RFX7: variants seen among roughly 807,000 people sequenced by gnomAD.
The protein encoded by RFX7 is regulatory factor X7.
RFX7 carries 26 observed loss-of-function variants against 111.8 expected under a neutral mutation model. That is an observed-to-expected ratio of 0.23 (90% CI 0.17 to 0.32). The LOEUF is 0.32. RFX7 is among the 10% of genes least tolerant of loss of function. The probability of loss-of-function intolerance (pLI) is 1.00; values close to 1 mark genes in which losing one functional copy is unlikely to be tolerated. For missense variants in RFX7, 1,573 were observed against 1,772.9 expected (o/e 0.89, Z 2.02); for synonymous variants, 624 against 624.4 (o/e 1.00, Z 0.01).
At chr15:56,187,536 G>C (rs2043054564) in intron 2 of RFX7, among the ~76,000 whole-genome samples, 1 of 149,174 alleles carries the variant, frequency 6.7e-6, no homozygotes, top group African/African-American at 2.4e-5. Flanking sequence ...ATGTGGCAAT[G>C]GTCACTTAGA....
At position 56,102,173 on chromosome 15, in the gene RFX7, T is replaced by G. The variant is rs531331249; in HGVS notation, c.599A>C (p.Asp200Ala). Residue 200 changes from aspartate (D) to alanine (A), a missense_variant, in exon 7 of 10, where the codon GAT becomes GCT. Asp to Ala is a moderately radical substitution (Grantham distance 126). Transcript: ENST00000559447. ...AAGAAAAGGCTGAATTCTTACCCCATCTCCAGTTTTGTGAAAGTCAAGGTT... is the reference window on the plus strand; with the variant it reads ...AAGAAAAGGCTGAATTCTTACCCCAGCTCCAGTTTTGTGAAAGTCAAGGTT... The part of the protein sequence containing the change: ...LPNLDFHKTG[D>A]GLEGAEPSGQ... 2 of 1,608,182 alleles carry G rather than the reference T, an allele frequency of 1.2e-6. No individual in the cohort carries two copies. Among genetic ancestry groups the G allele is most frequent in the African/African-American group, 2.7e-5 (2 of 74,834 alleles).
chr15:56,205,943 A>G (rs2043246596), intron 2 of RFX7, among the ~76,000 whole-genome samples: 1 of 152,232 alleles, frequency 6.6e-6, no homozygotes, highest in Non-Finnish European at 1.5e-5. Flanking sequence ...AAAATTAACA[A>G]GTGTTAGTAA....
chr15:56,149,828 C>T (rs138469748), intron 3 of RFX7, among the ~76,000 whole-genome samples: 3 of 151,892 alleles, frequency 2.0e-5, no homozygotes, highest in Admixed American at 1.3e-4. Context: ...TTTGCCATAC[C>T]CCAGTGGCAT....
chr15:56,231,564 G>C (rs2043558146), intron 2 of RFX7, among the ~76,000 whole-genome samples: 1 of 152,110 alleles, frequency 6.6e-6, no homozygotes, highest in Non-Finnish European at 1.5e-5. Context: ...CAACACATGG[G>C]AATTATGGAA....
intron 5 of RFX7, among the ~76,000 whole-genome samples, chr15:56,140,467 G>T (rs1764268428): frequency 6.6e-6 from 1 of 152,184 alleles, no homozygotes; most frequent in South Asian, 2.1e-4. Context: ...GCCTCGCCCT[G>T]CTTCGGCTGG....
intron 2 of RFX7, among the ~76,000 whole-genome samples, chr15:56,235,722 G>T (rs1354410241): frequency 6.6e-6 from 1 of 152,136 alleles, no homozygotes; most frequent in African/African-American, 2.4e-5. Context: ...TTATTCCCAT[G>T]CCCTTGCTAG....
chr15:56,153,473 T>G (rs972035944), intron 3 of RFX7, among the ~76,000 whole-genome samples: 1 of 151,966 alleles, frequency 6.6e-6, no homozygotes, highest in East Asian at 1.9e-4. Context: ...ACGTAATCCA[T>G]CCACATAAAT....
In RFX7 at chr15:56,218,027, T is replaced by C. The variant is rs150454892; in HGVS notation, c.161+25098A>G. Among the ~76,000 whole-genome samples, 17 of 151,934 alleles carry C rather than the reference T, an allele frequency of 1.1e-4. No homozygotes were observed. In the South Asian group the frequency reaches 1.7e-3, roughly 15 times the overall value. ...GGGAAAAAAAAGAGATGGTTGTGCC[T>C]GTACTGAACACACCCAAACTTTTTT... On this transcript the variant is annotated intron_variant, in intron 2 of 9. Transcript: ENST00000559447.
At chr15:56,232,640 C>T (rs564608482) in intron 2 of RFX7, among the ~76,000 whole-genome samples, 2 of 152,266 alleles carry the variant, frequency 1.3e-5, no homozygotes, top group African/African-American at 4.8e-5. Flanking sequence ...AACTTTTATG[C>T]TCTGTTTCCT....
At chr15:56,141,282 G>A (rs144861372) in intron 5 of RFX7, among the ~76,000 whole-genome samples, 2,094 of 151,880 alleles carry the variant, frequency 0.014, 23 homozygotes, top group Middle Eastern at 0.034. Flanking sequence ...CTGGGGGTGG[G>A]GGTGGGAGTG....
At chr15:56,116,714 G>GA (rs1369652924) in intron 5 of RFX7, among the ~76,000 whole-genome samples, 3 of 152,008 alleles carry the variant, frequency 2.0e-5, no homozygotes, top group Non-Finnish European at 4.4e-5. Context: ...AACTACAATG[G>GA]AAAAAAGGAT....
At position 56,093,734 on chromosome 15, in the gene RFX7, C is replaced by T; in HGVS notation, c.3994G>A (p.Asp1332Asn). The change falls in exon 10 of 10, where the codon GAT (aspartate) becomes AAT (asparagine). Residue 1332 changes from aspartate to asparagine, a missense_variant. By Grantham distance (23) the Asp-to-Asn change is conservative. Around this residue, in one of 7 missense-constraint regions of RFX7, gnomAD observed 411 missense variants for 478.1 expected, o/e 0.86. Coordinates refer to ENST00000559447, the MANE Select transcript of RFX7 (RefSeq NM_022841.7). ...STGQINFSPGDNQAQSEIGEQ... is the reference protein window; with the variant it reads ...STGQINFSPGNNQAQSEIGEQ... ...CCAATTTCTGATTGTGCTTGATTAT[C>T]TCCAGGAGAAAAATTGATCTGACCG... 1 of 1,613,774 alleles carries T rather than the reference C, an allele frequency of 6.2e-7. No individual in the cohort carries two copies. Among genetic ancestry groups the T allele is most frequent in the Non-Finnish European group, 8.5e-7 (1 of 1,179,744 alleles).
chr15:56,195,376 T>C (rs368701394), intron 2 of RFX7, among the ~76,000 whole-genome samples: 19 of 152,252 alleles, frequency 1.2e-4, no homozygotes, highest in African/African-American at 4.1e-4. Flanking sequence ...ATCATACACT[T>C]TATGTGGTTA....
rs1455033489 is a variant in RFX7 at position 56,109,287 on chromosome 15, A to T, written c.402-5617T>A. Among the ~76,000 whole-genome samples, 300 of 152,344 alleles carry T rather than the reference A, an allele frequency of 2.0e-3. 2 individuals are homozygous for T. Among genetic ancestry groups the T allele is most frequent in the African/African-American group, 6.1e-3 (254 of 41,572 alleles). ...GGTCTCCAGCTCCTAACCGCGAGTG[A>T]TCCGCCAGCCTCGGCCTCCCGAGGT... is the stretch of plus-strand genomic sequence containing the variant. On this transcript the variant is annotated intron_variant, in intron 5 of 9. Transcript: ENST00000559447.
In RFX7 at chr15:56,093,177, A is replaced by T; in HGVS notation, c.*168T>A. On this transcript the variant is annotated 3_prime_UTR_variant, in exon 10 of 10. Coordinates refer to ENST00000559447, the MANE Select transcript of RFX7 (RefSeq NM_022841.7). Reference sequence around the variant, plus strand: ...AGCCTACTGTCTTTAGACACTTGTTAAGAACTGAGGCAAGTCTAACCATTT... The same window carrying T: ...AGCCTACTGTCTTTAGACACTTGTTTAGAACTGAGGCAAGTCTAACCATTT... 3.4e-6 allele frequency: 2 copies of T among 596,846 alleles called. No individual in the cohort carries two copies. The highest frequency in any genetic ancestry group is 5.7e-6 in the Non-Finnish European group (2 of 348,584). 37.0% of individuals were successfully genotyped at this position (596,846 alleles called of 1,614,324 possible). A position where few individuals can be genotyped will look rare whatever the true frequency, so the allele number is the denominator to read the frequency against.
At chr15:56,156,053 C>G (rs1371748893) in intron 3 of RFX7, among the ~76,000 whole-genome samples, 1 of 152,000 alleles carries the variant, frequency 6.6e-6, no homozygotes, top group African/African-American at 2.4e-5. Flanking sequence ...CTGCAATATG[C>G]CAATCTGTTC....
At chr15:56,131,362 A>G (rs2042215130) in intron 5 of RFX7, among the ~76,000 whole-genome samples, 1 of 129,446 alleles carries the variant, frequency 7.7e-6, no homozygotes, top group African/African-American at 3.0e-5. Flanking sequence ...CCACCTCCTG[A>G]GCTCAAGCAA....
At chr15:56,183,688 C>T (rs1016155830) in intron 2 of RFX7, among the ~76,000 whole-genome samples, 10 of 152,242 alleles carry the variant, frequency 6.6e-5, no homozygotes, top group Middle Eastern at 3.4e-3. Context: ...CTTGACAATT[C>T]TTGGACCTTT....
chr15:56,110,279 GC>G (rs1421295249), intron 5 of RFX7, among the ~76,000 whole-genome samples: 1 of 75,584 alleles, frequency 1.3e-5, no homozygotes, highest in Non-Finnish European at 2.7e-5. Context: ...GGGGGGGTCA[GC>G]CCCCCGCCTG....
Sources: gnomAD v4.1 joint callset for allele counts (sites outside exome capture counted in the v4.1 genomes callset) on GRCh38, gnomAD v4.1.1 for gene constraint, gnomAD v4.1.1 regional missense constraint, MANE v1.5 for transcripts, NCBI Gene and HGNC (gene_info 2026-07-23, HGNC 2026-07-21) for gene names.